The following RBMS1 variants were observed in gnomAD, a reference collection of about 807,000 sequenced individuals.
RBMS1 encodes the protein RNA binding motif single stranded interacting protein 1.
A neutral mutation model predicts 62.3 loss-of-function variants in RBMS1; 17 were observed. The observed-to-expected ratio is 0.27, with a 90% CI of 0.19 to 0.41. The LOEUF is 0.41. Ranked by LOEUF, RBMS1 falls within the 10% of genes least tolerant of loss-of-function variation. The probability of loss-of-function intolerance (pLI) is 1.00; values close to 1 mark genes in which losing one functional copy is unlikely to be tolerated. For missense variants in RBMS1, 334 were observed against 504.5 expected (o/e 0.66, Z 3.24); for synonymous variants, 172 against 170.0 (o/e 1.01, Z -0.09).
intron 4 of RBMS1, among the ~76,000 whole-genome samples, chr2:160,311,228 C>CTCTCTCTCTCTCTCTCTCTA (rs1689856905): frequency 3.1e-5 from 3 of 95,916 alleles, no homozygotes; most frequent in East Asian, 2.7e-4. Context: ...ATCTATCTAT[C>CTCTCTCTCTCTCTCTCTCTA]TATCTATATA....
chr2:160,365,659 G>C (rs961537071), intron 2 of RBMS1, among the ~76,000 whole-genome samples: 1 of 152,146 alleles, frequency 6.6e-6, no homozygotes, highest in Non-Finnish European at 1.5e-5. Flanking sequence ...ACTAGCTGAA[G>C]AACAATTTGT....
intron 2 of RBMS1, among the ~76,000 whole-genome samples, chr2:160,335,265 G>A (rs768562016): frequency 7.2e-5 from 11 of 152,090 alleles, no homozygotes; most frequent in Non-Finnish European, 1.5e-4. Context: ...AAATGCAAAG[G>A]TATAATGATT....
In RBMS1 at chr2:160,282,223, A is replaced by G. The variant is rs116376492; in HGVS notation, c.901-859T>C. 3.3e-3 allele frequency: 4,439 copies of G among 1,363,560 alleles called. 10 individuals carry two copies. Among genetic ancestry groups the G allele is most frequent in the Non-Finnish European group, 3.7e-3 (3,780 of 1,018,126 alleles). The allele number at this position is 1,363,560 out of a possible 1,614,324, so 84.5% of individuals were successfully genotyped here. On this transcript the variant is annotated intron_variant, in intron 9 of 13. Coordinates refer to ENST00000348849, the MANE Select transcript of RBMS1 (RefSeq NM_016836.4). The stretch of plus-strand genomic sequence containing the variant: ...GAGGTTCAACAGAGAGGATATGGGG[A>G]AGAGTCATGGGGGAAGAATGTATTG...
rs12621559 is a variant in RBMS1, at chr2:160,314,090, A to G, written c.311-843T>C. On this transcript the variant is annotated intron_variant, in intron 3 of 13. Transcript: ENST00000348849. ...ATGGCAGGTCTGCTACAAAGTAAGTATATGAATGGCATCTAACAGTCAAAA... is the reference window on the plus strand; with the variant it reads ...ATGGCAGGTCTGCTACAAAGTAAGTGTATGAATGGCATCTAACAGTCAAAA... Among the ~76,000 whole-genome samples, 1,015 of 152,324 alleles carry G rather than the reference A, an allele frequency of 6.7e-3. 62 individuals are homozygous for G. In the East Asian group the frequency reaches 0.17, roughly 25 times the overall value.
Position 160,393,603 on chromosome 2 carries a change from C to T in RBMS1, c.76-26212G>A, listed in dbSNP as rs187888817. On this transcript the variant is annotated intron_variant, in intron 1 of 13. Coordinates refer to ENST00000348849, the MANE Select transcript of RBMS1 (RefSeq NM_016836.4). ...GACCAGCCTGACCAACAAAGAGAAA[C>T]TTCGTCTCCACTAAAAATACAAAAT... Among the ~76,000 whole-genome samples, 721 of 152,096 alleles carry T rather than the reference C, an allele frequency of 4.7e-3. 3 individuals carry two copies. The highest frequency in any genetic ancestry group is 0.016 in the African/African-American group (677 of 41,494).
Position 160,283,634 on chromosome 2 carries a change from T to C in RBMS1, c.900+1141A>G, listed in dbSNP as rs547835287. 3 of 152,342 alleles carry C rather than the reference T, an allele frequency of 2.0e-5. No homozygotes were observed. In the East Asian group the frequency reaches 5.8e-4, roughly 29 times the overall value. The allele number at this position is 152,342 out of a possible 1,614,324, so 9.4% of individuals were successfully genotyped here. A position where few individuals can be genotyped will look rare whatever the true frequency, so the allele number is the denominator to read the frequency against. On this transcript the variant is annotated intron_variant, in intron 9 of 13. Coordinates refer to ENST00000348849, the MANE Select transcript of RBMS1 (RefSeq NM_016836.4). ...TTATGTTTTTAGGCAGAATTAGTTA[T>C]ATGACATTGCTTATGTTGGCCAATT...
intron 2 of RBMS1, among the ~76,000 whole-genome samples, chr2:160,324,301 CGT>C (rs1690762091): frequency 6.6e-6 from 1 of 152,104 alleles, no homozygotes; most frequent in Non-Finnish European, 1.5e-5. Context: ...TGCTAGGGAA[CGT>C]GCAGCTTTTG....
In RBMS1 at chr2:160,277,357, T is replaced by C; in HGVS notation, c.1089A>G (p.Gln363=). ...GTYMPATSAM[Q]GAYLPQYAHM... is the part of the protein sequence containing the mutation. ...GTGCATACTGTGGCAAGTAGGCTCC[T>C]TGCATAGCTGACGTTGCAGGCATGT... Residue 363 remains glutamine, a synonymous_variant, in exon 12 of 14, where the codon CAA becomes CAG. Transcript: ENST00000348849. The C allele has an allele frequency of 1.2e-6, 2 of 1,613,528 alleles. No individual in the cohort carries two copies. Among genetic ancestry groups the C allele is most frequent in the Non-Finnish European group, 8.5e-7 (1 of 1,179,494 alleles).
At chr2:160,399,504 C>CTTCG (rs1695325596) in intron 1 of RBMS1, among the ~76,000 whole-genome samples, 1 of 144,374 alleles carries the variant, frequency 6.9e-6, no homozygotes, top group Non-Finnish European at 1.5e-5. Context: ...CACCAGTTTA[C>CTTCG]TTCGCAAAGA....
At chr2:160,367,095 G>T in intron 2 of RBMS1, 121 bp downstream of exon 2, 1 of 959,844 alleles carries the variant, frequency 1.0e-6, no homozygotes, top group Non-Finnish European at 1.5e-6. Flanking sequence ...TTTTATTGTT[G>T]TGACACTGAG....
intron 2 of RBMS1, among the ~76,000 whole-genome samples, chr2:160,346,523 T>C (rs1296941027): frequency 1.3e-5 from 2 of 152,154 alleles, no homozygotes; most frequent in South Asian, 2.1e-4. Context: ...TGAACCTAAA[T>C]TGATCTGAGT....
At chr2:160,493,027 A>C in intron 1 of RBMS1, 3 of 406,232 alleles carry the variant, frequency 7.4e-6, no homozygotes. Context: ...TGGCCGGGCC[A>C]GGAAGGGGCT....
At chr2:160,462,170 G>A (rs139722076) in intron 1 of RBMS1, among the ~76,000 whole-genome samples, 165 of 152,262 alleles carry the variant, frequency 1.1e-3, no homozygotes, top group African/African-American at 3.4e-3. Flanking sequence ...TCACCAGGGC[G>A]AGGGTATTCA....
At chr2:160,409,823 A>G (rs1695952069) in intron 1 of RBMS1, among the ~76,000 whole-genome samples, 1 of 152,256 alleles carries the variant, frequency 6.6e-6, no homozygotes, top group Non-Finnish European at 1.5e-5. Context: ...ACACTCTGCA[A>G]TAGTTTTATG....
intron 3 of RBMS1, 43 bp downstream of exon 3, chr2:160,318,126 T>C: frequency 6.4e-7 from 1 of 1,570,748 alleles, no homozygotes; most frequent in Non-Finnish European, 8.6e-7. Flanking sequence ...CCATCATTTT[T>C]CTAAAGCTAT....
At chr2:160,318,116 CCAT>C in intron 3 of RBMS1, 50 bp downstream of exon 3, 2 of 1,563,952 alleles carry the variant, frequency 1.3e-6, no homozygotes, top group South Asian at 1.2e-5. Context: ...GTTTTAAATT[CCAT>C]CATTTTTCTA....
At position 160,303,542 on chromosome 2, in the gene RBMS1, T is replaced by C. The variant is rs527439690; in HGVS notation, c.403-55A>G. 5.5e-5 allele frequency: 84 copies of C among 1,527,810 alleles called. No homozygotes were observed. In the African/African-American group the frequency reaches 1.1e-3, roughly 20 times the overall value. The allele number at this position is 1,527,810 out of a possible 1,614,324, so 94.6% of individuals were successfully genotyped here. On this transcript the variant is annotated intron_variant, in intron 4 of 13. Transcript: ENST00000348849. ...TTTCCAACAGAAGGTGAGATATTTA[T>C]GTTAACACACCTATTTTTATTAGCT...
At chr2:160,410,424 C>G (rs954802161) in intron 1 of RBMS1, among the ~76,000 whole-genome samples, 2 of 151,510 alleles carry the variant, frequency 1.3e-5, no homozygotes, top group Non-Finnish European at 2.9e-5. Flanking sequence ...TAAAGCATTA[C>G]AAAGAGATAA....
At chr2:160,410,154 G>A (rs1463932758) in intron 1 of RBMS1, among the ~76,000 whole-genome samples, 1 of 148,588 alleles carries the variant, frequency 6.7e-6, no homozygotes, top group African/African-American at 2.5e-5. Context: ...CCCAGGAGGC[G>A]GAGCTTGCAG....
Sources: allele counts gnomAD v4.1 joint callset (sites outside exome capture counted in the v4.1 genomes callset), GRCh38; gene constraint gnomAD v4.1.1; transcripts MANE v1.5; gene names NCBI Gene and HGNC (gene_info 2026-07-23, HGNC 2026-07-21).